The following ABCG2 variants were observed in gnomAD, a reference collection of about 807,000 sequenced individuals.
ABCG2 encodes the protein broad substrate specificity ATP-binding cassette transporter ABCG2.
A neutral mutation model predicts 73.5 loss-of-function variants in ABCG2; 80 were observed. The ratio of observed to expected loss-of-function variants is 1.09; its 90% CI spans 0.91 to 1.31. The LOEUF (loss-of-function observed/expected upper bound fraction) is 1.31, where lower values mean the gene tolerates loss of function less well. Ranked by LOEUF, ABCG2 falls within the 50% of genes most tolerant of loss-of-function variation. The pLI is 0.00. For synonymous variants in ABCG2, 269 were observed against 282.4 expected, an observed-to-expected ratio of 0.95 and a Z score of 0.48; for missense variants, 796 against 786.2, an observed-to-expected ratio of 1.01 and a Z score of -0.15.
rs148929233 is a variant in ABCG2, at chr4:88,189,441, G to A, written c.-20+41553C>T. On this transcript the variant is annotated intron_variant, in intron 1 of 15. Coordinates refer to the ABCG2 transcript ENST00000515655. ...AGGCAGGAGAATCACTTGAGCCAAG[G>A]AGTTCAAGGCTGCAGTGAGTTATGA... Among the ~76,000 whole-genome samples the A allele has an allele frequency of 1.7e-4, 26 of 152,130 alleles. 1 individual carries two copies. The South Asian group carries it at 5.0e-3, about 29-fold the overall frequency.
intron 1 of ABCG2, among the ~76,000 whole-genome samples, chr4:88,175,783 T>C (rs906287140): frequency 6.6e-6 from 1 of 152,236 alleles, no homozygotes; most frequent in African/African-American, 2.4e-5. Context: ...TTTCATTTCC[T>C]GCCTCAGATC....
chr4:88,146,114 G>T (rs1025728681), intron 1 of ABCG2, among the ~76,000 whole-genome samples: 1 of 152,142 alleles, frequency 6.6e-6, no homozygotes, highest in African/African-American at 2.4e-5. Context: ...ATGAACTTTT[G>T]TTAAATCAGA....
intron 4 of ABCG2, 41 bp downstream of exon 4, chr4:88,131,762 G>A: frequency 6.9e-7 from 1 of 1,456,790 alleles, no homozygotes; most frequent in Non-Finnish European, 9.6e-7. Flanking sequence ...TACCCATATA[G>A]AAACAGAGGA....
intron 13 of ABCG2, among the ~76,000 whole-genome samples, chr4:88,097,217 C>T (rs1406266962): frequency 2.0e-5 from 3 of 151,978 alleles, no homozygotes; most frequent in Non-Finnish European, 4.4e-5. Flanking sequence ...TCATTAGTAA[C>T]AATATTAACT....
Position 88,139,839 on chromosome 4 carries a change from GA to G in ABCG2, c.156del (p.Leu53TyrfsTer19), listed in dbSNP as rs1725501474. 6.2e-7 allele frequency: 1 copy of G among 1,614,022 alleles called. No individual in the cohort carries two copies. The highest frequency in any genetic ancestry group is 1.7e-5 in the Admixed American group (1 of 59,986). On this transcript the variant is annotated frameshift_variant, in exon 2 of 16. Coordinates refer to ENST00000237612, the MANE Select transcript of ABCG2 (RefSeq NM_004827.3). LOFTEE classifies it high-confidence loss of function. ...ICYRVKLKSG[F>X]LPCRKPVEKE... ...TTCTCAACTGGTTTTCGACAAGGTA[GA>G]AAGCCACTCTTCAGTTTTACTCGAT...
At chr4:88,231,410 C>G (rs1304581467), upstream of ABCG2, 1 of 152,162 alleles carries the variant, frequency 6.6e-6, no homozygotes, top group African/African-American at 2.4e-5. Context: ...AGCGTGGGAT[C>G]CTCTTCTGGC....
chr4:88,101,414 T>A, intron 10 of ABCG2, 95 bp from the exon 11 acceptor site: 3 of 1,137,820 alleles, frequency 2.6e-6, no homozygotes, highest in African/African-American at 3.1e-5. Flanking sequence ...TGACAGTGTA[T>A]AAAGTTAAGC....
chr4:88,202,127 T>C (rs1021000090), intron 1 of ABCG2, among the ~76,000 whole-genome samples: 10 of 151,704 alleles, frequency 6.6e-5, no homozygotes, highest in Admixed American at 3.3e-4. Flanking sequence ...CAAAGGGCCT[T>C]ATCAATGGCA....
At chr4:88,096,057 T>C (rs1275068872) in intron 13 of ABCG2, among the ~76,000 whole-genome samples, 1 of 152,178 alleles carries the variant, frequency 6.6e-6, no homozygotes, top group African/African-American at 2.4e-5. Context: ...ATAAGATTTG[T>C]TATTTACAAA....
At position 88,131,080 on chromosome 4, in the gene ABCG2, T is replaced by C; in HGVS notation, c.512A>G (p.Asp171Gly). The C allele has an allele frequency of 1.2e-6, 2 of 1,614,038 alleles. No individual in the cohort carries two copies. The highest frequency in any genetic ancestry group is 1.7e-6 in the Non-Finnish European group (2 of 1,179,990). ...INRVIQELGL[D>G]KVADSKVGTQ... ...CATTACCTTGGAGTCTGCCACTTTA[T>C]CCAGACCTAACTCTTGAATGACCCT... Residue 171 changes from aspartate to glycine, a missense_variant, in exon 5 of 16, where the codon GAT becomes GGT. Transcript: ENST00000237612.
At chr4:88,177,243 A>C (rs563658949) in intron 1 of ABCG2, among the ~76,000 whole-genome samples, 23 of 152,114 alleles carry the variant, frequency 1.5e-4, no homozygotes, top group Middle Eastern at 3.4e-3. Context: ...GCATGGTGGC[A>C]GGCGCCTGTG....
chr4:88,158,116 A>G (rs1727075215), intron 1 of ABCG2, among the ~76,000 whole-genome samples: 2 of 152,308 alleles, frequency 1.3e-5, no homozygotes, highest in Middle Eastern at 3.4e-3. Flanking sequence ...AATTTCATAC[A>G]TTTGGAGAAA....
In ABCG2 at chr4:88,095,520, C is replaced by G. The variant is rs369116571; in HGVS notation, c.1737G>C (p.Thr579=). The change falls in exon 14 of 16, where the codon ACG becomes ACC. Residue 579 remains threonine, a splice_region_variant and synonymous_variant. Coordinates refer to ENST00000237612, the MANE Select transcript of ABCG2 (RefSeq NM_004827.3). Reference sequence around the variant, plus strand: ...ACAGTGACAGACAAGGAAGACATACCGTAAATCCATATCGTGGAATGCTGA... The same window carrying G: ...ACAGTGACAGACAAGGAAGACATACGGTAAATCCATATCGTGGAATGCTGA... ...QYFSIPRYGF[T]ALQHNEFLGQ... 25 of 1,611,634 alleles carry G rather than the reference C, an allele frequency of 1.6e-5. No homozygotes were observed. The South Asian group carries it at 2.7e-4, about 18-fold the overall frequency.
At chr4:88,100,449 G>A (rs1451283207) in intron 11 of ABCG2, among the ~76,000 whole-genome samples, 1 of 151,184 alleles carries the variant, frequency 6.6e-6, no homozygotes, top group Non-Finnish European at 1.5e-5. Flanking sequence ...ATTGCAGTGA[G>A]CCAAGATTGC....
At chr4:88,196,663 G>GATTCATAAATTATGAATAATTTATT (rs1421227647) in intron 1 of ABCG2, among the ~76,000 whole-genome samples, 1 of 151,460 alleles carries the variant, frequency 6.6e-6, no homozygotes, top group Non-Finnish European at 1.5e-5. Context: ...AATTTCTTCT[G>GATTCATAAATTATGAATAATTTATT]ATTCATAAAT....
At chr4:88,143,504 G>C (rs781094099) in intron 1 of ABCG2, among the ~76,000 whole-genome samples, 4 of 152,118 alleles carry the variant, frequency 2.6e-5, no homozygotes, top group Admixed American at 1.3e-4. Context: ...GCAACAACTA[G>C]AGCTAAAGTA....
rs536817772 is a variant in ABCG2, at chr4:88,202,026, C to G, written c.-20+28968G>C. 4.6e-5 allele frequency among the ~76,000 whole-genome samples: 7 copies of G among 151,914 alleles called. No homozygotes were observed. The East Asian group carries it at 1.4e-3, about 29-fold the overall frequency. On this transcript the variant is annotated intron_variant, in intron 1 of 15. Coordinates refer to the ABCG2 transcript ENST00000515655. ...GGCTTTGGGATTTTTTAAAGCTCCCCAAGCAATTTAAAATTCAGCAATATC... is the reference window on the plus strand; with the variant it reads ...GGCTTTGGGATTTTTTAAAGCTCCCGAAGCAATTTAAAATTCAGCAATATC...
chr4:88,211,358 G>GCCCCCCCCCC (rs1264405228), intron 1 of ABCG2, among the ~76,000 whole-genome samples: 2 of 33,648 alleles, frequency 5.9e-5, no homozygotes, highest in Non-Finnish European at 1.1e-4. Flanking sequence ...TTCAACCCCT[G>GCCCCCCCCCC]CCCCACCCCC....
chr4:88,156,014 T>C (rs1726911815), intron 1 of ABCG2, among the ~76,000 whole-genome samples: 5 of 151,956 alleles, frequency 3.3e-5, no homozygotes, highest in Admixed American at 2.6e-4. Flanking sequence ...CATTCCAAGG[T>C]TGGGACATGG....
Sources: gnomAD v4.1 joint callset for allele counts (sites outside exome capture counted in the v4.1 genomes callset) on GRCh38, gnomAD v4.1.1 for gene constraint, MANE v1.5 for transcripts, NCBI Gene and HGNC (gene_info 2026-07-23, HGNC 2026-07-21) for gene names.